The following DLG2 variants were observed in gnomAD, a reference collection of about 807,000 sequenced individuals.
The protein encoded by DLG2 is disks large homolog 2.
Under a neutral mutation model 132.5 loss-of-function variants are expected in DLG2, and 45 were observed. The observed-to-expected ratio is 0.34, with a 90% CI of 0.27 to 0.44. DLG2 has a LOEUF of 0.44. DLG2 is among the 20% of genes least tolerant of loss of function. The pLI is 1.00. For missense variants in DLG2, 1,045 were observed against 1,196.9 expected (o/e 0.87, Z 1.87); for synonymous variants, 424 against 419.6 (o/e 1.01, Z -0.13).
At chr11:85,609,529 C>T (rs922323410) in intron 2 of DLG2, among the ~76,000 whole-genome samples, 10 of 152,196 alleles carry the variant, frequency 6.6e-5, no homozygotes, top group African/African-American at 2.4e-4. Flanking sequence ...GTGTGGTTTA[C>T]AAGGACACTT....
chr11:84,683,494 T>C (rs2099735335), intron 6 of DLG2, among the ~76,000 whole-genome samples: 1 of 152,174 alleles, frequency 6.6e-6, no homozygotes, highest in Non-Finnish European at 1.5e-5. Context: ...CCAAGTACTA[T>C]AAGTTTTCAG....
intron 6 of DLG2, among the ~76,000 whole-genome samples, chr11:84,901,912 G>A (rs1056127744): frequency 5.9e-5 from 9 of 152,026 alleles, no homozygotes; most frequent in Admixed American, 2.6e-4. Context: ...AAAAAAGGAA[G>A]GCTGAGTTTG....
chr11:83,977,939 T>C (rs547628387), intron 12 of DLG2, among the ~76,000 whole-genome samples: 2 of 152,216 alleles, frequency 1.3e-5, no homozygotes, highest in African/African-American at 4.8e-5. Context: ...GATGATATAC[T>C]GAAAGAATGG....
intron 24 of DLG2, among the ~76,000 whole-genome samples, chr11:83,471,317 A>G (rs2136530518): frequency 6.6e-6 from 1 of 152,298 alleles, no homozygotes; most frequent in Admixed American, 6.5e-5. Context: ...CTATGAAAAC[A>G]TACTGATGCC....
chr11:84,349,713 TG>T (rs1385784710), intron 7 of DLG2, among the ~76,000 whole-genome samples: 1 of 152,146 alleles, frequency 6.6e-6, no homozygotes. Flanking sequence ...CCCTACTAAT[TG>T]TTGTAGAAGA....
intron 6 of DLG2, chr11:85,021,346 T>G: frequency 7.8e-7 from 1 of 1,288,960 alleles, no homozygotes. Flanking sequence ...GCCATACATC[T>G]GTGCTGCAGA....
At chr11:85,071,397 A>C (rs2065843694) in intron 6 of DLG2, among the ~76,000 whole-genome samples, 1 of 151,874 alleles carries the variant, frequency 6.6e-6, no homozygotes, top group Non-Finnish European at 1.5e-5. Flanking sequence ...GTGAATTATT[A>C]ATAGTAAGAA....
At chr11:83,708,134 T>C (rs972848133) in intron 18 of DLG2, among the ~76,000 whole-genome samples, 1 of 152,214 alleles carries the variant, frequency 6.6e-6, no homozygotes, top group Non-Finnish European at 1.5e-5. Flanking sequence ...ATATTAGATA[T>C]TATGATAATT....
At chr11:84,924,230 C>T (rs890553985) in intron 6 of DLG2, among the ~76,000 whole-genome samples, 1 of 152,114 alleles carries the variant, frequency 6.6e-6, no homozygotes. Context: ...GTGCTATACC[C>T]TTATTTCCAG....
intron 3 of DLG2, among the ~76,000 whole-genome samples, chr11:85,400,717 A>T (rs1050983749): frequency 6.7e-6 from 1 of 149,908 alleles, no homozygotes; most frequent in African/African-American, 2.5e-5. Context: ...TCACTCATAG[A>T]TGGGAATTGA....
At chr11:83,670,614 A>C (rs1408055387) in intron 18 of DLG2, among the ~76,000 whole-genome samples, 1 of 152,080 alleles carries the variant, frequency 6.6e-6, no homozygotes, top group Non-Finnish European at 1.5e-5. Flanking sequence ...CTTTAAAAAA[A>C]AAAACCAAAA....
intron 6 of DLG2, among the ~76,000 whole-genome samples, chr11:84,948,935 C>T (rs892414522): frequency 6.6e-6 from 1 of 152,202 alleles, no homozygotes; most frequent in African/African-American, 2.4e-5. Flanking sequence ...CCATGCAGTA[C>T]ATATTTGACA....
chr11:83,961,557 T>G (rs1156287040), intron 14 of DLG2, among the ~76,000 whole-genome samples: 1 of 152,062 alleles, frequency 6.6e-6, no homozygotes, highest in African/African-American at 2.4e-5. Context: ...AGCCTTTTTC[T>G]GTGTGTTTTT....
intron 7 of DLG2, among the ~76,000 whole-genome samples, chr11:84,402,653 C>T (rs1360389038): frequency 6.6e-6 from 1 of 151,862 alleles, no homozygotes; most frequent in Non-Finnish European, 1.5e-5. Context: ...GAGGCCGAGG[C>T]GGGCGGACCA....
intron 6 of DLG2, among the ~76,000 whole-genome samples, chr11:84,813,675 T>G (rs532119851): frequency 1.3e-5 from 2 of 152,192 alleles, no homozygotes; most frequent in Non-Finnish European, 2.9e-5. Flanking sequence ...CAGAATGACA[T>G]AGAATGGGTC....
intron 3 of DLG2, among the ~76,000 whole-genome samples, chr11:85,312,667 T>C (rs1361716041): frequency 3.3e-5 from 5 of 151,894 alleles, no homozygotes; most frequent in Admixed American, 3.3e-4. Flanking sequence ...ATTTACCTTT[T>C]AAAAATACTT....
intron 18 of DLG2, among the ~76,000 whole-genome samples, chr11:83,659,646 T>A (rs1018792720): frequency 2.6e-5 from 4 of 152,170 alleles, no homozygotes; most frequent in African/African-American, 4.8e-5. Flanking sequence ...ATTACTCTCA[T>A]GATATAGACA....
rs193126138 is a variant in DLG2, at chr11:84,509,682, G to T, written c.519+24888C>A. Reference sequence around the variant, plus strand: ...TAAAAATGGAATAATTTGACACTAAGTACAAAATCTATATGTTTAAAATGA... The same window carrying T: ...TAAAAATGGAATAATTTGACACTAATTACAAAATCTATATGTTTAAAATGA... On this transcript the variant is annotated intron_variant, in intron 7 of 27. Coordinates refer to ENST00000376104, the MANE Select transcript of DLG2 (RefSeq NM_001142699.3). Among the ~76,000 whole-genome samples the T allele has an allele frequency of 1.2e-3, 176 of 152,186 alleles. 1 individual carries two copies. The highest frequency in any genetic ancestry group is 4.1e-3 in the African/African-American group (171 of 41,534).
At chr11:84,562,499 A>G (rs2099430494) in intron 6 of DLG2, among the ~76,000 whole-genome samples, 1 of 152,090 alleles carries the variant, frequency 6.6e-6, no homozygotes, top group Admixed American at 6.6e-5. Flanking sequence ...TATAATAGTT[A>G]GCTTGAAAAT....
Sources: allele counts gnomAD v4.1 joint callset (sites outside exome capture counted in the v4.1 genomes callset), GRCh38; gene constraint gnomAD v4.1.1; transcripts MANE v1.5; gene names NCBI Gene and HGNC (gene_info 2026-07-23, HGNC 2026-07-21).